LIG1: variants seen among roughly 807,000 people sequenced by gnomAD.
LIG1 encodes DNA ligase 1.
Under a neutral mutation model 115.7 loss-of-function variants are expected in LIG1, and 70 were observed. The ratio of observed to expected loss-of-function variants is 0.60; its 90% CI spans 0.50 to 0.74. The LOEUF is 0.74. LIG1 is among the 30% of genes least tolerant of loss of function. LIG1 has a pLI of 0.00. For missense variants in LIG1, 1,115 were observed against 1,225.6 expected (o/e 0.91, Z 1.35); for synonymous variants, 487 against 495.3 (o/e 0.98, Z 0.22).
chr19:48,119,991 T>C (rs944940773), intron 24 of LIG1, among the ~76,000 whole-genome samples: 1 of 152,256 alleles, frequency 6.6e-6, no homozygotes, highest in African/African-American at 2.4e-5. Context: ...CCCTTTTGCA[T>C]TGAGAGTCTT....
intron 5 of LIG1, chr19:48,154,335 G>A (rs1030753721): frequency 3.1e-6 from 1 of 326,640 alleles, no homozygotes; most frequent in Admixed American, 3.9e-5. Context: ...CAGCTTCCCC[G>A]GAACCTCAGA....
chr19:48,148,446 G>T (rs979741098), intron 9 of LIG1, among the ~76,000 whole-genome samples: 5 of 148,952 alleles, frequency 3.4e-5, no homozygotes, highest in African/African-American at 1.3e-4. Context: ...CTGCACTCCA[G>T]CCTGGGCAAC....
At chr19:48,160,983 C>T (rs567145752) in intron 4 of LIG1, among the ~76,000 whole-genome samples, 2 of 152,216 alleles carry the variant, frequency 1.3e-5, no homozygotes, top group South Asian at 4.1e-4. Flanking sequence ...GTGATCCTCC[C>T]ACGTTGGCCT....
intron 1 of LIG1, 45 bp downstream of exon 1, chr19:48,170,196 C>T (rs1439369272): frequency 8.8e-6 from 4 of 455,056 alleles, no homozygotes; most frequent in African/African-American, 8.0e-5. Flanking sequence ...TTCGGCGCAC[C>T]CGCCGCCCTC....
chr19:48,127,892 T>C lies in LIG1; in HGVS notation c.1932+18A>G, dbSNP rs766346949. ...GGAAGTACGGGGCCTTGGCAGGCAG[T>C]GGAGCGGGTGATGCTACCTTGCGTT... On this transcript the variant is annotated intron_variant, in intron 20 of 27. Coordinates refer to ENST00000263274, the MANE Select transcript of LIG1 (RefSeq NM_000234.3). 6.2e-7 allele frequency: 1 copy of C among 1,600,978 alleles called. No homozygotes were observed. Among genetic ancestry groups the C allele is most frequent in the Non-Finnish European group, 8.6e-7 (1 of 1,168,388 alleles).
At chr19:48,119,983 C>T (rs3731036) in intron 24 of LIG1, among the ~76,000 whole-genome samples, 1,731 of 152,356 alleles carry the variant, frequency 0.011, 40 homozygotes, top group African/African-American at 0.038. Flanking sequence ...TGGAAAGCCC[C>T]TTTTGCATTG....
At position 48,127,404 on chromosome 19, in the gene LIG1, G is replaced by A. The variant is rs980196124; in HGVS notation, c.1933-56C>T. 3.4e-6 allele frequency: 5 copies of A among 1,472,578 alleles called. No individual in the cohort carries two copies. In the African/African-American group the frequency reaches 7.0e-5, roughly 21 times the overall value. The allele number at this position is 1,472,578 out of a possible 1,614,324, so 91.2% of individuals were successfully genotyped here. A position where few individuals can be genotyped will look rare whatever the true frequency, so the allele number is the denominator to read the frequency against. On this transcript the variant is annotated intron_variant, in intron 20 of 27. Transcript: ENST00000263274. The stretch of plus-strand genomic sequence containing the variant: ...GCAGGAAGGTGAGACGGGGCACTGT[G>A]CCTGAGGCCGACAGCATTCATCTAC...
At chr19:48,164,990 G>A (rs566488879) in intron 2 of LIG1, among the ~76,000 whole-genome samples, 3 of 152,364 alleles carry the variant, frequency 2.0e-5, no homozygotes, top group East Asian at 3.9e-4. Flanking sequence ...GCCGGGCGCC[G>A]TGGCTCACGC....
At chr19:48,123,369 G>A in intron 21 of LIG1, 51 bp from the exon 22 acceptor site, 8 of 1,598,704 alleles carry the variant, frequency 5.0e-6, no homozygotes, top group Non-Finnish European at 6.8e-6. Context: ...TGAGAATAAA[G>A]ACAATAAGCC....
At chr19:48,167,903 G>A (rs1035742394) in intron 1 of LIG1, among the ~76,000 whole-genome samples, 3 of 151,694 alleles carry the variant, frequency 2.0e-5, no homozygotes, top group Non-Finnish European at 4.4e-5. Flanking sequence ...AGGGCCAGTT[G>A]GGGAGCAGGA....
chr19:48,162,413 A>T, intron 2 of LIG1, 62 bp from the exon 3 acceptor site: 4 of 1,085,710 alleles, frequency 3.7e-6, no homozygotes, highest in Non-Finnish European at 5.6e-6. Context: ...CTGCCTATCT[A>T]TGCTGTATCC....
chr19:48,134,886 C>T (rs1378501443), intron 16 of LIG1, among the ~76,000 whole-genome samples: 1 of 152,246 alleles, frequency 6.6e-6, no homozygotes, highest in African/African-American at 2.4e-5. Flanking sequence ...CATCGGCCCT[C>T]CTGCCTCTGA....
In LIG1 at chr19:48,127,651, TG is replaced by T. The variant is rs2122478707; in HGVS notation, c.1932+258del. 3 of 613,116 alleles carry T rather than the reference TG, an allele frequency of 4.9e-6. No individual in the cohort carries two copies. The Admixed American group carries it at 8.1e-5, about 17-fold the overall frequency. The allele number at this position is 613,116 out of a possible 1,614,324, so 38.0% of individuals were successfully genotyped here. A position where few individuals can be genotyped will look rare whatever the true frequency, so the allele number is the denominator to read the frequency against. Reference sequence around the variant, plus strand: ...GGGGAAACCTGTGGGGTGCAGGTTGTGGGGTTTTCCAGAACAGATCTTCTTT... The same window carrying T: ...GGGGAAACCTGTGGGGTGCAGGTTGTGGGTTTTCCAGAACAGATCTTCTTT... On this transcript the variant is annotated intron_variant, in intron 20 of 27. Coordinates refer to ENST00000263274, the MANE Select transcript of LIG1 (RefSeq NM_000234.3).
intron 2 of LIG1, among the ~76,000 whole-genome samples, chr19:48,164,034 A>C (rs4801749): frequency 0.17 from 25,071 of 151,478 alleles, 2,438 homozygotes; most frequent in African/African-American, 0.28. Flanking sequence ...AGTTCAGTTA[A>C]GAGTAATGTA....
chr19:48,127,942 G>T lies in LIG1; in HGVS notation c.1900C>A (p.Pro634Thr). The part of the protein sequence containing the change: ...AWDREKKQIQ[P>T]FQVLTTRKRK... ...TTGCGGGTGGTGAGCACTTGGAATG[G>T]CTGGATCTGCTTCTTTTCCCGGTCC... is the stretch of plus-strand genomic sequence containing the variant. The change falls in exon 20 of 28, where the codon CCA becomes ACA. Residue 634 changes from proline to threonine, a missense_variant. Coordinates refer to ENST00000263274, the MANE Select transcript of LIG1 (RefSeq NM_000234.3). 6.2e-7 allele frequency: 1 copy of T among 1,614,156 alleles called. No individual in the cohort carries two copies. Among genetic ancestry groups the T allele is most frequent in the Non-Finnish European group, 8.5e-7 (1 of 1,180,020 alleles).
In LIG1 at chr19:48,122,212, C is replaced by T. The variant is rs1460855934; in HGVS notation, c.2232+722G>A. 6.5e-6 allele frequency: 1 copy of T among 154,850 alleles called. No individual in the cohort carries two copies. The highest frequency in any genetic ancestry group is 2.4e-5 in the African/African-American group (1 of 41,482). 9.6% of individuals were successfully genotyped at this position (154,850 alleles called of 1,614,324 possible). A position where few individuals can be genotyped will look rare whatever the true frequency, so the allele number is the denominator to read the frequency against. ...CATCAACTCTTACTGATGACAGGCTCCTGCTCGCTGGCCCTCAACACACCC... is the reference window on the plus strand; with the variant it reads ...CATCAACTCTTACTGATGACAGGCTTCTGCTCGCTGGCCCTCAACACACCC... On this transcript the variant is annotated intron_variant, in intron 23 of 27. Coordinates refer to ENST00000263274, the MANE Select transcript of LIG1 (RefSeq NM_000234.3). The surrounding 1 kb of genome is among the most constrained non-coding windows in gnomAD (Gnocchi z 4.3).
rs373324917 is a variant in LIG1, at chr19:48,123,237, C to T, written c.2086G>A (p.Ala696Thr). Residue 696 changes from alanine (A) to threonine (T), a missense_variant, in exon 22 of 28, where the codon GCC (alanine) becomes ACC (threonine). Physicochemically the swap from Ala to Thr is moderately conservative, Grantham distance 58 (BLOSUM62 0). Coordinates refer to ENST00000263274, the MANE Select transcript of LIG1 (RefSeq NM_000234.3). ...ATGTCCTTGGTGTCCAGGGAGGTGGCGAAGACAAACTCGCCCTCTGTCTCC... is the reference window on the plus strand; with the variant it reads ...ATGTCCTTGGTGTCCAGGGAGGTGGTGAAGACAAACTCGCCCTCTGTCTCC... Reference protein sequence around the residue: ...FVETEGEFVFATSLDTKDIEQ... With the variant: ...FVETEGEFVFTTSLDTKDIEQ... 178 of 1,613,902 alleles carry T rather than the reference C, an allele frequency of 1.1e-4. No homozygotes were observed. Among genetic ancestry groups the T allele is most frequent in the Non-Finnish European group, 1.4e-4 (163 of 1,180,014 alleles).
chr19:48,121,865 G>C (rs1402300366), intron 23 of LIG1, among the ~76,000 whole-genome samples: 1 of 152,168 alleles, frequency 6.6e-6, no homozygotes, highest in Non-Finnish European at 1.5e-5. Context: ...GGGACCTCAG[G>C]AGTCAGCCTT....
chr19:48,116,776 G>A (rs1218575869), intron 26 of LIG1, among the ~76,000 whole-genome samples: 2 of 152,218 alleles, frequency 1.3e-5, no homozygotes, highest in Admixed American at 6.5e-5. Context: ...CGGCTCCTGT[G>A]CCTTGTTACT....
Sources: gnomAD v4.1 joint callset for allele counts (sites outside exome capture counted in the v4.1 genomes callset) on GRCh38, gnomAD v4.1.1 for gene constraint, Gnocchi (gnomAD v3.1) non-coding constraint, MANE v1.5 for transcripts, NCBI Gene and HGNC (gene_info 2026-07-23, HGNC 2026-07-21) for gene names.